Variants in CALCRL observed in about 807,000 individuals in gnomAD.
CALCRL encodes the protein calcitonin receptor like receptor, also known as calcitonin gene-related peptide type 1 receptor.
A neutral mutation model predicts 60.4 loss-of-function variants in CALCRL; 27 were observed. The observed-to-expected ratio is 0.45, with a 90% confidence interval of 0.33 to 0.62. The LOEUF is 0.62. Ranked by LOEUF, CALCRL falls within the 20% of genes least tolerant of loss-of-function variation. CALCRL has a pLI of 0.03. For missense variants in CALCRL, 424 were observed against 540.7 expected (o/e 0.78, Z 2.14); for synonymous variants, 190 against 182.6 (o/e 1.04, Z -0.33).
intron 1 of CALCRL, among the ~76,000 whole-genome samples, chr2:187,421,131 A>G (rs1029518831): frequency 6.6e-6 from 1 of 152,192 alleles, no homozygotes; most frequent in African/African-American, 2.4e-5. Context: ...AATATCACAT[A>G]TCTTCTTATT....
chr2:187,427,410 T>C (rs2105885956), intron 1 of CALCRL, among the ~76,000 whole-genome samples: 1 of 152,222 alleles, frequency 6.6e-6, no homozygotes, highest in Non-Finnish European at 1.5e-5. Flanking sequence ...TGAGAACCAT[T>C]ATGGTGGGCA....
At chr2:187,409,659 A>G (rs1378965221) in intron 1 of CALCRL, among the ~76,000 whole-genome samples, 3 of 152,232 alleles carry the variant, frequency 2.0e-5, no homozygotes, top group Non-Finnish European at 4.4e-5. Context: ...TTGTGAAACT[A>G]TAATAGGGGA....
At chr2:187,439,476 T>TAAACA (rs893453673) in intron 1 of CALCRL, among the ~76,000 whole-genome samples, 3 of 151,414 alleles carry the variant, frequency 2.0e-5, no homozygotes, top group South Asian at 4.2e-4. Context: ...AACTAAATAC[T>TAAACA]AAACAAAACA....
At chr2:187,358,743 C>T (rs1191803650) in intron 12 of CALCRL, among the ~76,000 whole-genome samples, 4 of 152,110 alleles carry the variant, frequency 2.6e-5, no homozygotes, top group African/African-American at 9.7e-5. Flanking sequence ...TTTTTCTCTA[C>T]TCAAGATCAG....
rs1002659870 is a variant in CALCRL at position 187,344,521 on chromosome 2, C to T, written c.*1663G>A. On this transcript the variant is annotated 3_prime_UTR_variant, in exon 15 of 15. Transcript: ENST00000392370. ...CATTCTTGTTCTTTAGAGATTTCAG[C>T]GGAAAATAACATTAGAGAAACTGAA... is the stretch of plus-strand genomic sequence containing the variant. 4.6e-5 allele frequency: 7 copies of T among 151,590 alleles called. No homozygotes were observed. The highest frequency in any genetic ancestry group is 7.4e-5 in the Non-Finnish European group (5 of 67,666). The allele number at this position is 151,590 out of a possible 1,614,324, so 9.4% of individuals were successfully genotyped here.
intron 1 of CALCRL, among the ~76,000 whole-genome samples, chr2:187,411,767 C>T (rs916862447): frequency 8.6e-5 from 13 of 151,674 alleles, no homozygotes; most frequent in African/African-American, 2.7e-4. Flanking sequence ...GAGGCTGAGG[C>T]GGGCGGATCA....
chr2:187,417,536 C>G (rs1559070386), intron 1 of CALCRL, among the ~76,000 whole-genome samples: 2 of 152,044 alleles, frequency 1.3e-5, no homozygotes, highest in African/African-American at 2.4e-5. Context: ...AAGCATAACT[C>G]TTAATAATTT....
chr2:187,419,582 G>A (rs1366844603), intron 1 of CALCRL, among the ~76,000 whole-genome samples: 1 of 152,106 alleles, frequency 6.6e-6, no homozygotes, highest in Non-Finnish European at 1.5e-5. Flanking sequence ...TAACACCAAA[G>A]TGAAAGCTGG....
At position 187,387,868 on chromosome 2, in the gene CALCRL, G is replaced by T. The variant is rs1574261570; in HGVS notation, c.-292-112C>A. The T allele has an allele frequency of 1.9e-5, 7 of 366,584 alleles. No homozygotes were observed. The East Asian group carries it at 2.7e-4, about 14-fold the overall frequency. 22.7% of individuals were successfully genotyped at this position (366,584 alleles called of 1,614,324 possible). On this transcript the variant is annotated intron_variant, in intron 1 of 14. Transcript: ENST00000392370. Reference sequence around the variant, plus strand: ...CTGCTACTAAGATCATATTTTTATTGAACAATTCCAACTTTGAAAAGCCTC... The same window carrying T: ...CTGCTACTAAGATCATATTTTTATTTAACAATTCCAACTTTGAAAAGCCTC...
chr2:187,403,447 C>A (rs932276327), intron 1 of CALCRL, among the ~76,000 whole-genome samples: 2 of 151,906 alleles, frequency 1.3e-5, no homozygotes, highest in Non-Finnish European at 2.9e-5. Flanking sequence ...ATAGAAGTTT[C>A]ACGCCCATCG....
At chr2:187,369,623 T>C (rs898145923) in intron 8 of CALCRL, among the ~76,000 whole-genome samples, 1 of 152,172 alleles carries the variant, frequency 6.6e-6, no homozygotes, top group Non-Finnish European at 1.5e-5. Context: ...TTTTGGCCAC[T>C]GTTACTAGAA....
At chr2:187,372,041 A>G (rs976151087) in intron 8 of CALCRL, among the ~76,000 whole-genome samples, 1 of 152,156 alleles carries the variant, frequency 6.6e-6, no homozygotes, top group African/African-American at 2.4e-5. Context: ...TATGGCAAGT[A>G]CCTACAAAAG....
At chr2:187,354,186 A>G (rs1423971049) in intron 12 of CALCRL, among the ~76,000 whole-genome samples, 1 of 152,022 alleles carries the variant, frequency 6.6e-6, no homozygotes, top group African/African-American at 2.4e-5. Flanking sequence ...AGAAACCTTT[A>G]ACTGACATAC....
At chr2:187,380,371 G>T in intron 7 of CALCRL, 96 bp downstream of exon 7, 1 of 675,452 alleles carries the variant, frequency 1.5e-6, no homozygotes, top group Non-Finnish European at 2.6e-6. Flanking sequence ...ATAAGGGAAT[G>T]GAATAATGAC....
chr2:187,380,431 C>T (rs1012293363), intron 7 of CALCRL, 36 bp downstream of exon 7: 1 of 1,227,134 alleles, frequency 8.1e-7, no homozygotes, highest in Non-Finnish European at 1.2e-6. Flanking sequence ...TAAACAGATA[C>T]TGTAAGTTAA....
intron 1 of CALCRL, among the ~76,000 whole-genome samples, chr2:187,447,647 C>T (rs766871583): frequency 3.9e-5 from 6 of 151,970 alleles, no homozygotes; most frequent in Admixed American, 6.6e-5. Flanking sequence ...TTTCTTACAG[C>T]TGATAACATG....
chr2:187,435,890 G>GTGTA (rs1690624259), intron 1 of CALCRL, among the ~76,000 whole-genome samples: 1 of 151,202 alleles, frequency 6.6e-6, no homozygotes, highest in African/African-American at 2.4e-5. Context: ...GTGTGTGTGT[G>GTGTA]TGTGTATTTA....
intron 5 of CALCRL, among the ~76,000 whole-genome samples, chr2:187,382,530 T>C (rs1355888208): frequency 6.6e-6 from 1 of 152,198 alleles, no homozygotes; most frequent in Non-Finnish European, 1.5e-5. Flanking sequence ...ATTTGATATT[T>C]TGAAGATAAC....
At chr2:187,407,649 C>A (rs549669062) in intron 1 of CALCRL, among the ~76,000 whole-genome samples, 3 of 152,094 alleles carry the variant, frequency 2.0e-5, no homozygotes, top group African/African-American at 7.2e-5. Flanking sequence ...TTTAATAATA[C>A]AAGAATGAAA....
Sources: allele counts gnomAD v4.1 joint callset (sites outside exome capture counted in the v4.1 genomes callset), GRCh38; gene constraint gnomAD v4.1.1; transcripts MANE v1.5; gene names NCBI Gene and HGNC (gene_info 2026-07-23, HGNC 2026-07-21).